Variants in HMCN2 observed in about 807,000 individuals in gnomAD.
HMCN2 encodes hemicentin-2.
Under a neutral mutation model 377.5 loss-of-function variants are expected in HMCN2, and 325 were observed. That is an observed-to-expected ratio of 0.86 (90% confidence interval 0.79 to 0.94). The LOEUF (loss-of-function observed/expected upper bound fraction) is 0.94, where lower values mean the gene tolerates loss of function less well. Among genes scored for constraint, HMCN2 ranks in the 40% least tolerant of loss-of-function variants. The pLI is 0.00. For synonymous variants in HMCN2, 2,007 were observed against 2,046.8 expected, an observed-to-expected ratio of 0.98 and a Z score of 0.53; for missense variants, 4,543 against 4,725.3, an observed-to-expected ratio of 0.96 and a Z score of 1.13.
rs1840332963 is a variant in HMCN2, at chr9:130,360,678, C to T, written c.5950+74C>T. ...TCATTCATTTGTCTATTAGTCTGTC[C>T]ATCCACCTGTCCACTCATCCATCCA... is the stretch of plus-strand genomic sequence containing the variant. On this transcript the variant is annotated intron_variant, in intron 38 of 97. Coordinates refer to ENST00000683500, the MANE Select transcript of HMCN2 (RefSeq NM_001291815.2). This position sits in a 1 kb window ranked among gnomAD's most constrained non-coding sequence, Gnocchi z 4.7. The T allele has an allele frequency of 1.1e-6, 1 of 931,874 alleles. No individual in the cohort carries two copies. Among genetic ancestry groups the T allele is most frequent in the African/African-American group, 1.7e-5 (1 of 57,690 alleles). 57.7% of individuals were successfully genotyped at this position (931,874 alleles called of 1,614,324 possible).
chr9:130,327,006 C>T (rs2131420782), intron 21 of HMCN2, among the ~76,000 whole-genome samples: 1 of 151,586 alleles, frequency 6.6e-6, no homozygotes, highest in Admixed American at 6.6e-5. Flanking sequence ...GAAGGGACAG[C>T]AGGATGAAGA....
Position 130,310,038 on chromosome 9 carries a change from C to T in HMCN2, c.2327C>T (p.Ala776Val), listed in dbSNP as rs782123916. 1.9e-6 allele frequency: 1 copy of T among 533,420 alleles called. No homozygotes were observed. Among genetic ancestry groups the T allele is most frequent in the South Asian group, 1.4e-5 (1 of 71,390 alleles). 33.0% of individuals were successfully genotyped at this position (533,420 alleles called of 1,614,324 possible). Residue 776 changes from alanine to valine, a missense_variant, in exon 15 of 98, where the codon GCA (alanine) becomes GTA (valine). Ala to Val is a moderately conservative substitution (Grantham distance 64). This residue lies in a region of HMCN2 where 547 missense variants were observed against 189.9 expected (regional missense o/e 2.88). Coordinates refer to ENST00000683500, the MANE Select transcript of HMCN2 (RefSeq NM_001291815.2). The stretch of plus-strand genomic sequence containing the variant: ...GTCAATGAGTTGGGTGACGCCTCTG[C>T]AGAAATCCAGCTGGCGGTTGGACGT... ...RAVNELGDAS[A>V]EIQLAVGHAP...
rs555896401 is a variant in HMCN2, at chr9:130,307,502, G to A, written c.2136G>A (p.Gly712=). The A allele has an allele frequency of 2.8e-5, 13 of 471,206 alleles. 1 individual carries two copies. Among genetic ancestry groups the A allele is most frequent in the South Asian group, 1.9e-4 (12 of 64,562 alleles). The allele number at this position is 471,206 out of a possible 1,614,324, so 29.2% of individuals were successfully genotyped here. A position where few individuals can be genotyped will look rare whatever the true frequency, so the allele number is the denominator to read the frequency against. ...ATGCCGTGGTGCTGGTGGCCGTTGG[G>A]GAGGAGGCTGTGTTGGTGTGTGAGG... ...AVNAVVLVAV[G]EEAVLVCEAS... The change falls in exon 14 of 98, where the codon GGG becomes GGA. Residue 712 remains glycine, a synonymous_variant. Coordinates refer to ENST00000683500, the MANE Select transcript of HMCN2 (RefSeq NM_001291815.2).
chr9:130,429,560 T>C lies in HMCN2; in HGVS notation c.14201T>C (p.Val4734Ala). 1 of 1,550,428 alleles carries C rather than the reference T, an allele frequency of 6.4e-7. No individual in the cohort carries two copies. The highest frequency in any genetic ancestry group is 1.2e-5 in the South Asian group (1 of 84,060). Residue 4734 changes from valine (V) to alanine (A), a missense_variant, in exon 94 of 98, where the codon GTG becomes GCG. Val to Ala is a moderately conservative substitution (Grantham distance 64). This residue lies in a region of HMCN2 where 1,155 missense variants were observed against 1,157.7 expected (regional missense o/e 1.00). Transcript: ENST00000683500. The part of the protein sequence containing the change: ...RVADGAGCED[V>A]DECLEGLDDC... The stretch of plus-strand genomic sequence containing the variant: ...CGACCATGCCCCTGCCTCCCAGATG[T>C]GGACGAATGCCTGGAGGGGTTGGAC...
At chr9:130,333,755 T>G (rs1838560402) in intron 22 of HMCN2, among the ~76,000 whole-genome samples, 1 of 152,036 alleles carries the variant, frequency 6.6e-6, no homozygotes, top group Admixed American at 6.5e-5. Flanking sequence ...GGGAGAGTGG[T>G]AGGGGGCAGA....
intron 2 of HMCN2, among the ~76,000 whole-genome samples, chr9:130,284,949 G>GATGA (rs1835339734): frequency 6.6e-6 from 1 of 152,188 alleles, no homozygotes; most frequent in African/African-American, 2.4e-5. Context: ...CTCTTGCATG[G>GATGA]ATGAATGAAT....
chr9:130,388,223 C>T (rs370917385), intron 61 of HMCN2, among the ~76,000 whole-genome samples, 186 bp from the exon 62 acceptor site: 2 of 152,134 alleles, frequency 1.3e-5, no homozygotes, highest in African/African-American at 4.8e-5. Flanking sequence ...AAGGAGACCC[C>T]GCTGGAGCTT....
rs1843844303 is a variant in HMCN2 at position 130,419,050 on chromosome 9, C to T, written c.13231+9C>T. The stretch of plus-strand genomic sequence containing the variant: ...GTTCCTGGTCGTGAGAGGTATGGGG[C>T]ATCCCTGTCTGGACCTTCGTGGACA... On this transcript the variant is annotated intron_variant, in intron 86 of 97. Coordinates refer to ENST00000683500, the MANE Select transcript of HMCN2 (RefSeq NM_001291815.2). 2.0e-6 allele frequency: 3 copies of T among 1,488,996 alleles called. No homozygotes were observed. Among genetic ancestry groups the T allele is most frequent in the Non-Finnish European group, 2.7e-6 (3 of 1,115,034 alleles). The allele number at this position is 1,488,996 out of a possible 1,614,324, so 92.2% of individuals were successfully genotyped here.
At chr9:130,338,145 G>C (rs1040990667) in intron 23 of HMCN2, 124 bp downstream of exon 23, 24 of 153,264 alleles carry the variant, frequency 1.6e-4, no homozygotes, top group African/African-American at 5.8e-4. Context: ...CTCTCCCTCC[G>C]TGCGCCTCTG....
chr9:130,280,974 G>C (rs1255389456), intron 1 of HMCN2, among the ~76,000 whole-genome samples: 2 of 151,932 alleles, frequency 1.3e-5, no homozygotes, highest in Admixed American at 6.6e-5. Context: ...ATGGTGACAG[G>C]CGCCTGTAAT....
rs1382851058 is a variant in HMCN2, at chr9:130,362,164, AG to A, written c.6108+1del. 3 of 985,804 alleles carry A rather than the reference AG, an allele frequency of 3.0e-6. No homozygotes were observed. In the African/African-American group the frequency reaches 5.2e-5, roughly 17 times the overall value. 61.1% of individuals were successfully genotyped at this position (985,804 alleles called of 1,614,324 possible). On this transcript the variant is annotated frameshift_variant and splice_region_variant, in exon 39 of 98. Coordinates refer to ENST00000683500, the MANE Select transcript of HMCN2 (RefSeq NM_001291815.2). LOFTEE classifies it high-confidence loss of function. ...TCCCCTGCAGGGACCCCTGGCCTGC[AG>A]GTCAGTAGGGCTGGGTGGCCCCGGC... Reference protein sequence around the residue: ...PVSPAGTPGLQVFPGGRVLTL... With the variant: ...PVSPAGTPGLXVFPGGRVLTL...
At chr9:130,396,501 T>A (rs1055245806) in intron 73 of HMCN2, among the ~76,000 whole-genome samples, 188 bp downstream of exon 73, 5 of 152,090 alleles carry the variant, frequency 3.3e-5, no homozygotes, top group African/African-American at 1.2e-4. Flanking sequence ...TCAGAAGCCT[T>A]GATAGATGGG....
chr9:130,368,587 A>C, intron 44 of HMCN2, 150 bp downstream of exon 44: 1 of 237,826 alleles, frequency 4.2e-6, no homozygotes, highest in Non-Finnish European at 6.8e-6. Flanking sequence ...GTCCGTTCTC[A>C]CACTGCTCTA....
At chr9:130,309,455 C>T (rs185365154) in intron 14 of HMCN2, among the ~76,000 whole-genome samples, 15 of 132,844 alleles carry the variant, frequency 1.1e-4, no homozygotes, top group African/African-American at 3.5e-4. Flanking sequence ...GTAGAGGTTG[C>T]AGTGAGCCAA....
intron 22 of HMCN2, among the ~76,000 whole-genome samples, chr9:130,332,986 G>A (rs893873004): frequency 1.3e-5 from 2 of 152,324 alleles, no homozygotes; most frequent in East Asian, 3.9e-4. Flanking sequence ...CGGGGGTCTG[G>A]GGAGGGCAGG....
chr9:130,362,667 CA>C (rs1840446586), intron 39 of HMCN2, among the ~76,000 whole-genome samples, 199 bp from the exon 40 acceptor site: 1 of 152,238 alleles, frequency 6.6e-6, no homozygotes, highest in Non-Finnish European at 1.5e-5. Context: ...TCCTGAGGTC[CA>C]GTGTCATTGC....
chr9:130,349,451 G>A (rs1839576084), intron 28 of HMCN2, 86 bp from the exon 29 acceptor site: 4 of 1,233,780 alleles, frequency 3.2e-6, no homozygotes, highest in South Asian at 2.9e-5. Context: ...CCCAGGCTGG[G>A]GGGTCTGCAC....
intron 34 of HMCN2, among the ~76,000 whole-genome samples, chr9:130,356,637 C>G (rs971394305): frequency 1.3e-5 from 2 of 152,240 alleles, no homozygotes; most frequent in African/African-American, 2.4e-5. Context: ...TCAGGCATAT[C>G]CTGAAATACT....
At chr9:130,343,343 G>C (rs1839164733) in intron 25 of HMCN2, among the ~76,000 whole-genome samples, 1 of 152,192 alleles carries the variant, frequency 6.6e-6, no homozygotes, top group South Asian at 2.1e-4. Context: ...AGCCTGGGGG[G>C]CGTCTCTAGT....
Sources: gnomAD v4.1 joint callset for allele counts (sites outside exome capture counted in the v4.1 genomes callset) on GRCh38, gnomAD v4.1.1 for gene constraint, gnomAD v4.1.1 regional missense constraint, Gnocchi (gnomAD v3.1) non-coding constraint, MANE v1.5 for transcripts, NCBI Gene and HGNC (gene_info 2026-07-23, HGNC 2026-07-21) for gene names.